Variants in RGMA observed in about 807,000 individuals in gnomAD.
RGMA encodes the protein repulsive guidance molecule A.
A neutral mutation model predicts 23.2 loss-of-function variants in RGMA; 10 were observed. The observed-to-expected ratio is 0.43, with a 90% CI of 0.27 to 0.73. The LOEUF (loss-of-function observed/expected upper bound fraction) is 0.73. RGMA is among the 30% of genes least tolerant of loss of function. The pLI is 0.20. For missense variants in RGMA, 547 were observed against 630.5 expected, an observed-to-expected ratio of 0.87 and a Z score of 1.42; for synonymous variants, 308 against 279.3, an observed-to-expected ratio of 1.10 and a Z score of -1.03.
At chr15:93,047,133 T>C (rs1261248350) in intron 3 of RGMA, among the ~76,000 whole-genome samples, 1 of 152,042 alleles carries the variant, frequency 6.6e-6, no homozygotes, top group Non-Finnish European at 1.5e-5. Context: ...CTGGGCTCTC[T>C]TGGCCACAAG....
At chr15:93,071,847 A>G (rs1194765278) in intron 2 of RGMA, among the ~76,000 whole-genome samples, 1 of 152,244 alleles carries the variant, frequency 6.6e-6, no homozygotes, top group Non-Finnish European at 1.5e-5. Flanking sequence ...TGTGGTGCGA[A>G]ACAAGATGAA....
At chr15:93,081,065 T>C (rs1052969872) in intron 1 of RGMA, among the ~76,000 whole-genome samples, 2 of 152,198 alleles carry the variant, frequency 1.3e-5, no homozygotes, top group Non-Finnish European at 2.9e-5. Context: ...TTCAAGACAC[T>C]GCCACTGAAT....
chr15:93,049,214 C>T (rs2054878077), intron 3 of RGMA, among the ~76,000 whole-genome samples: 1 of 152,212 alleles, frequency 6.6e-6, no homozygotes, highest in Admixed American at 6.5e-5. Flanking sequence ...CAGGCTGCAT[C>T]AGCTACTATC....
rs1485406946 is a variant in RGMA, at chr15:93,052,523, C to T, written c.131-16G>A. On this transcript the variant is annotated splice_polypyrimidine_tract_variant and intron_variant, in intron 2 of 3. Transcript: ENST00000329082. ...GGGGAGGTGGCTGAGGAGAAAGGAA[C>T]GAACACACCGTCGGGGTGCAGCCTG... 6.4e-6 allele frequency: 10 copies of T among 1,550,834 alleles called. No individual in the cohort carries two copies. The highest frequency in any genetic ancestry group is 2.3e-5 in the South Asian group (2 of 85,122).
intron 2 of RGMA, among the ~76,000 whole-genome samples, chr15:93,068,175 G>C (rs1356846227): frequency 6.6e-6 from 1 of 152,150 alleles, no homozygotes; most frequent in Admixed American, 6.5e-5. Flanking sequence ...AAAGTCCTGG[G>C]CAAACTGGGA....
At chr15:93,059,298 A>T (rs2055065176) in intron 2 of RGMA, among the ~76,000 whole-genome samples, 1 of 152,160 alleles carries the variant, frequency 6.6e-6, no homozygotes, top group Non-Finnish European at 1.5e-5. Flanking sequence ...AGCTTAATCG[A>T]TTCCGGGCCC....
rs1178478926 is a variant in RGMA at position 93,089,169 on chromosome 15, G to A, written c.-237C>T. 2 of 301,150 alleles carry A rather than the reference G, an allele frequency of 6.6e-6. No homozygotes were observed. The highest frequency in any genetic ancestry group is 2.2e-5 in the African/African-American group (1 of 45,264). The allele number at this position is 301,150 out of a possible 1,614,324, so 18.7% of individuals were successfully genotyped here. A position where few individuals can be genotyped will look rare whatever the true frequency, so the allele number is the denominator to read the frequency against. On this transcript the variant is annotated 5_prime_UTR_variant, in exon 1 of 4. Transcript: ENST00000329082. Reference sequence around the variant, plus strand: ...ACGGCCAGTGCTTCCCCGGCCCAGCGGCTCGGGCGGCGCAGCCAGCGCTCG... The same window carrying A: ...ACGGCCAGTGCTTCCCCGGCCCAGCAGCTCGGGCGGCGCAGCCAGCGCTCG...
intron 1 of RGMA, among the ~76,000 whole-genome samples, chr15:93,084,581 T>TC (rs1416737610): frequency 6.6e-6 from 1 of 152,084 alleles, no homozygotes; most frequent in Non-Finnish European, 1.5e-5. Flanking sequence ...CAAGCGACTC[T>TC]CCTCTCTCAG....
intron 2 of RGMA, among the ~76,000 whole-genome samples, chr15:93,065,130 A>C (rs1336802338): frequency 6.6e-6 from 1 of 152,320 alleles, no homozygotes; most frequent in East Asian, 1.9e-4. Context: ...GGCACATGCC[A>C]CAATGCCCAG....
chr15:93,049,373 G>A (rs1481891338), intron 3 of RGMA, among the ~76,000 whole-genome samples: 6 of 152,166 alleles, frequency 3.9e-5, no homozygotes, highest in East Asian at 1.9e-4. Context: ...ACTAACCAGC[G>A]GGGAAAGGAA....
At chr15:93,088,623 T>A (rs1895682231) in intron 1 of RGMA, 3 of 1,025,268 alleles carry the variant, frequency 2.9e-6, no homozygotes, top group Non-Finnish European at 3.7e-6. Flanking sequence ...GGGAAGGAGC[T>A]CCCAGCCCGC....
chr15:93,052,441 G>C lies in RGMA; in HGVS notation c.197C>G (p.Ala66Gly). ...CTCGGGGGTGTCGTCTGAGGCTGGG[G>C]CGTGGCTGCCCGACGTGGCGCTCCA... ...EFWSATSGSHAPASDDTPEFC... is the reference protein window; with the variant it reads ...EFWSATSGSHGPASDDTPEFC... Residue 66 changes from alanine (A) to glycine (G), a missense_variant, in exon 3 of 4, where the codon GCC (alanine) becomes GGC (glycine). Ala to Gly is a moderately conservative substitution (Grantham distance 60). Around this residue, in one of 3 missense-constraint regions of RGMA, gnomAD observed 214 missense variants for 234.7 expected, o/e 0.91. Transcript: ENST00000329082. 6.3e-7 allele frequency: 1 copy of C among 1,593,532 alleles called. No homozygotes were observed. Among genetic ancestry groups the C allele is most frequent in the Non-Finnish European group, 8.5e-7 (1 of 1,175,664 alleles).
At chr15:93,050,632 C>T (rs2054901831) in intron 3 of RGMA, among the ~76,000 whole-genome samples, 1 of 152,218 alleles carries the variant, frequency 6.6e-6, no homozygotes, top group Non-Finnish European at 1.5e-5. Flanking sequence ...ATGGGGGCAG[C>T]AGCCCAGCCT....
intron 2 of RGMA, among the ~76,000 whole-genome samples, chr15:93,058,978 T>C (rs1293961631): frequency 6.6e-6 from 1 of 151,476 alleles, no homozygotes; most frequent in Non-Finnish European, 1.5e-5. Context: ...TCCCGGGGCC[T>C]GTGCAGGTGA....
intron 1 of RGMA, among the ~76,000 whole-genome samples, chr15:93,086,581 C>T (rs868395104): frequency 1.3e-5 from 2 of 152,170 alleles, no homozygotes; most frequent in South Asian, 2.1e-4. Context: ...TGCTTTCTGG[C>T]CATCAGTTTC....
At chr15:93,059,372 C>T (rs754978167) in intron 2 of RGMA, among the ~76,000 whole-genome samples, 11 of 152,210 alleles carry the variant, frequency 7.2e-5, no homozygotes, top group Non-Finnish European at 1.5e-4. Context: ...TGACCCATCC[C>T]GACTTCTTGG....
rs2141789220 is a variant in RGMA at position 93,044,743 on chromosome 15, A to G, written c.*255T>C. ...GGGATGTTTCACACATTCACACTGC[A>G]GGGGCGGGGCGAGGGGAGCTGCTCT... is the stretch of plus-strand genomic sequence containing the variant. On this transcript the variant is annotated 3_prime_UTR_variant, in exon 4 of 4. Coordinates refer to ENST00000329082, the MANE Select transcript of RGMA (RefSeq NM_020211.3). 3 of 546,110 alleles carry G rather than the reference A, an allele frequency of 5.5e-6. No homozygotes were observed. The highest frequency in any genetic ancestry group is 4.7e-5 in the South Asian group (2 of 42,438). The allele number at this position is 546,110 out of a possible 1,614,324, so 33.8% of individuals were successfully genotyped here.
intron 1 of RGMA, among the ~76,000 whole-genome samples, chr15:93,077,285 T>TA (rs1197781049): frequency 6.6e-6 from 1 of 152,158 alleles, no homozygotes; most frequent in Non-Finnish European, 1.5e-5. Context: ...GTAAAAAGAT[T>TA]AGAGTTGCCC....
intron 2 of RGMA, among the ~76,000 whole-genome samples, chr15:93,060,288 A>G (rs909229814): frequency 2.6e-5 from 4 of 152,174 alleles, no homozygotes; most frequent in African/African-American, 9.7e-5. Flanking sequence ...CCTTAGAAGC[A>G]TATTATGGGG....
Sources: gnomAD v4.1 joint callset for allele counts (sites outside exome capture counted in the v4.1 genomes callset) on GRCh38, gnomAD v4.1.1 for gene constraint, gnomAD v4.1.1 regional missense constraint, MANE v1.5 for transcripts, NCBI Gene and HGNC (gene_info 2026-07-23, HGNC 2026-07-21) for gene names.